The following RGPD4 variants were observed in gnomAD, a reference collection of about 807,000 sequenced individuals.
RGPD4 encodes the protein ranBP2-like and GRIP domain-containing protein 4.
Under a neutral mutation model 141.1 loss-of-function variants are expected in RGPD4, and 84 were observed. That is an observed-to-expected ratio of 0.60 (90% CI 0.50 to 0.71). The LOEUF (loss-of-function observed/expected upper bound fraction) is 0.71. RGPD4 is among the 30% of genes least tolerant of loss of function. The pLI is 0.00. For synonymous variants in RGPD4, 298 were observed against 566.8 expected (o/e 0.53, Z 6.74); for missense variants, 918 against 1,622.4 (o/e 0.57, Z 7.46).
Position 107,827,817 on chromosome 2 carries a change from T to G in RGPD4, c.72+732T>G, listed in dbSNP as rs1293427423. Among the ~76,000 whole-genome samples, 36 of 18,764 alleles carry G rather than the reference T, an allele frequency of 1.9e-3. 1 individual carries two copies. The highest frequency in any genetic ancestry group is 0.012 in the East Asian group (20 of 1,692). 12.3% of individuals were successfully genotyped at this position (18,764 alleles called of 152,430 possible). A position where few individuals can be genotyped will look rare whatever the true frequency, so the allele number is the denominator to read the frequency against. ...GCCTCGACCCGGCCCGGCGGCGGCC[T>G]CGATGGCTCAGGCGTCATGCCTCCC... On this transcript the variant is annotated intron_variant, in intron 1 of 22. Coordinates refer to ENST00000408999, the MANE Select transcript of RGPD4 (RefSeq NM_182588.3).
chr2:107,867,197 C>G (rs575290779), intron 18 of RGPD4, among the ~76,000 whole-genome samples: 180 of 150,058 alleles, frequency 1.2e-3, no homozygotes, highest in African/African-American at 4.2e-3. Context: ...ACATTGCTCC[C>G]AGGCAGCCAG....
intron 1 of RGPD4, among the ~76,000 whole-genome samples, chr2:107,834,048 C>T (rs2044075): frequency 5.3e-5 from 8 of 150,898 alleles, no homozygotes; most frequent in African/African-American, 1.5e-4. Context: ...TGTTCCTATA[C>T]GTGCTGTCCT....
chr2:107,885,557 C>A (rs1274120645), intron 22 of RGPD4, among the ~76,000 whole-genome samples: 1 of 152,126 alleles, frequency 6.6e-6, no homozygotes, highest in Non-Finnish European at 1.5e-5. Flanking sequence ...AGAGGAGATA[C>A]ACATTGGAAA....
At chr2:107,888,762 G>A (rs1675575344) in intron 22 of RGPD4, among the ~76,000 whole-genome samples, 1 of 102,736 alleles carries the variant, frequency 9.7e-6, no homozygotes, top group Admixed American at 9.4e-5. Flanking sequence ...CAGAGGCAAG[G>A]AACACAGGCC....
In RGPD4 at chr2:107,872,737, T is replaced by C. The variant is rs1682976062; in HGVS notation, c.4733T>C (p.Leu1578Ser). 6.2e-7 allele frequency: 1 copy of C among 1,611,514 alleles called. No homozygotes were observed. Among genetic ancestry groups the C allele is most frequent in the African/African-American group, 1.3e-5 (1 of 74,496 alleles). ...SLFGFSFNAS[L>S]KSNNSETSSV... is the part of the protein sequence containing the mutation. ...TTTGGATTTAGTTTTAATGCATCTTTGAAAAGTAACAACAGTGAAACTAGT... is the reference window on the plus strand; with the variant it reads ...TTTGGATTTAGTTTTAATGCATCTTCGAAAAGTAACAACAGTGAAACTAGT... Residue 1578 changes from leucine (L) to serine (S), a missense_variant, in exon 20 of 23, where the codon TTG (leucine) becomes TCG (serine). Coordinates refer to ENST00000408999, the MANE Select transcript of RGPD4 (RefSeq NM_182588.3).
intron 13 of RGPD4, 125 bp from the exon 14 acceptor site, chr2:107,861,064 CAGATA>C: frequency 1.9e-6 from 1 of 535,158 alleles, no homozygotes; most frequent in Middle Eastern, 5.0e-4. Flanking sequence ...CTAGCTCTCA[CAGATA>C]AGATATGACA....
In RGPD4 at chr2:107,859,796, G is replaced by A. The variant is rs562769395; in HGVS notation, c.1709G>A (p.Gly570Asp). ...INTLRAQEKH[G>D]LQPALLVHWA... ...ACTCTAAGAGCCCAGGAAAAACATG[G>A]CCTTCAACCTGCTCTGCTTGTACAT... Residue 570 changes from glycine to aspartate, a missense_variant, in exon 12 of 23, where the codon GGC becomes GAC. Physicochemically the swap from Gly to Asp is moderately conservative, Grantham distance 94. Transcript: ENST00000408999. The A allele has an allele frequency of 5.2e-4, 835 of 1,609,958 alleles. 17 individuals carry two copies. The African/African-American group carries it at 9.1e-3, about 18-fold the overall frequency.
intron 11 of RGPD4, 34 bp from the exon 12 acceptor site, chr2:107,859,688 G>T (rs1177514178): frequency 5.0e-6 from 8 of 1,611,172 alleles, no homozygotes; most frequent in Non-Finnish European, 6.8e-6. Flanking sequence ...TGTGTATTTA[G>T]AAAGCAATTT....
chr2:107,853,047 AT>A (rs1445992595), intron 7 of RGPD4, among the ~76,000 whole-genome samples: 1 of 142,394 alleles, frequency 7.0e-6, no homozygotes, highest in Non-Finnish European at 1.5e-5. Context: ...ATCAAAGTAT[AT>A]CTGTGCATTT....
chr2:107,849,785 A>AT (rs1682077060), intron 7 of RGPD4, among the ~76,000 whole-genome samples: 1 of 22,314 alleles, frequency 4.5e-5, no homozygotes, highest in South Asian at 2.1e-3. Context: ...TTAGAGAAGG[A>AT]TTTTTTGCTT....
chr2:107,874,675 C>G (rs1233417682), intron 20 of RGPD4, among the ~76,000 whole-genome samples: 1 of 150,314 alleles, frequency 6.7e-6, no homozygotes, highest in Non-Finnish European at 1.5e-5. Flanking sequence ...ACGAATGTGC[C>G]TATACACTAC....
At position 107,847,858 on chromosome 2, in the gene RGPD4, A is replaced by C. The variant is rs1349903722; in HGVS notation, c.783-483A>C. Among the ~76,000 whole-genome samples the C allele has an allele frequency of 3.3e-5, 4 of 121,602 alleles. No homozygotes were observed. In the East Asian group the frequency reaches 6.4e-4, roughly 19 times the overall value. 79.8% of individuals were successfully genotyped at this position (121,602 alleles called of 152,430 possible). ...AAAAAAAAAAAAAGACAATTTATTTAATGCTGTAATGATCTATATAGTAAA... is the reference window on the plus strand; with the variant it reads ...AAAAAAAAAAAAAGACAATTTATTTCATGCTGTAATGATCTATATAGTAAA... On this transcript the variant is annotated intron_variant, in intron 6 of 22. Transcript: ENST00000408999.
intron 22 of RGPD4, among the ~76,000 whole-genome samples, chr2:107,885,697 T>C (rs1260874315): frequency 1.3e-5 from 2 of 152,144 alleles, no homozygotes; most frequent in African/African-American, 4.8e-5. Context: ...AGAGACCTTA[T>C]TACAATTAAA....
At chr2:107,885,786 G>A (rs1366947275) in intron 22 of RGPD4, among the ~76,000 whole-genome samples, 1 of 151,898 alleles carries the variant, frequency 6.6e-6, no homozygotes, top group Non-Finnish European at 1.5e-5. Context: ...TGGCACGGTG[G>A]CTCACACCTG....
intron 20 of RGPD4, among the ~76,000 whole-genome samples, chr2:107,877,743 T>C (rs1266539763): frequency 1.3e-5 from 2 of 151,854 alleles, no homozygotes; most frequent in Non-Finnish European, 2.9e-5. Context: ...TTATCTTAGC[T>C]AGTAGCAATT....
intron 1 of RGPD4, among the ~76,000 whole-genome samples, chr2:107,829,603 C>G (rs1214866916): frequency 1.3e-5 from 2 of 150,230 alleles, no homozygotes; most frequent in Admixed American, 1.3e-4. Context: ...GCGCTGCTCC[C>G]AGGCGGGCTC....
intron 1 of RGPD4, among the ~76,000 whole-genome samples, chr2:107,830,484 G>C (rs1681444370): frequency 6.6e-6 from 1 of 152,142 alleles, no homozygotes; most frequent in African/African-American, 2.4e-5. Context: ...AAATAAAGTG[G>C]AGTGGTGGCA....
chr2:107,832,231 C>T (rs1681519294), intron 1 of RGPD4, among the ~76,000 whole-genome samples: 1 of 149,278 alleles, frequency 6.7e-6, no homozygotes, highest in Non-Finnish European at 1.5e-5. Context: ...CCCTTACTAA[C>T]CGACTTCTCC....
At chr2:107,850,728 G>C (rs1682092813) in intron 7 of RGPD4, among the ~76,000 whole-genome samples, 1 of 25,768 alleles carries the variant, frequency 3.9e-5, no homozygotes, top group African/African-American at 1.4e-4. Context: ...CTCACTGCAA[G>C]CTCCGCCTCC....
Sources: allele counts gnomAD v4.1 joint callset (sites outside exome capture counted in the v4.1 genomes callset), GRCh38; gene constraint gnomAD v4.1.1; transcripts MANE v1.5; gene names NCBI Gene and HGNC (gene_info 2026-07-23, HGNC 2026-07-21).